Variants in EPHA6 observed in about 807,000 individuals in gnomAD.
EPHA6 encodes ephrin type-A receptor 6.
In EPHA6, 50 loss-of-function variants were observed where a neutral mutation model predicts 112.0. The observed-to-expected ratio is 0.45, with a 90% CI of 0.36 to 0.56. The LOEUF (loss-of-function observed/expected upper bound fraction) is 0.56, where lower values mean the gene tolerates loss of function less well. EPHA6 is among the 20% of genes least tolerant of loss of function. The pLI, the probability that EPHA6 is intolerant of heterozygous loss-of-function variation, is 0.00. For synonymous variants in EPHA6, 529 were observed against 490.7 expected, an observed-to-expected ratio of 1.08 and a Z score of -1.03; for missense variants, 1,280 against 1,417.4, an observed-to-expected ratio of 0.90 and a Z score of 1.56.
intron 3 of EPHA6, among the ~76,000 whole-genome samples, chr3:97,177,928 G>A (rs2076882230): frequency 6.6e-6 from 1 of 151,944 alleles, no homozygotes; most frequent in African/African-American, 2.4e-5. Context: ...TTTGTTTGGA[G>A]AGTTTGGTCC....
chr3:97,446,380 G>A (rs2090347129), intron 6 of EPHA6, among the ~76,000 whole-genome samples: 1 of 152,078 alleles, frequency 6.6e-6, no homozygotes, highest in East Asian at 1.9e-4. Flanking sequence ...ACTTTTGTAG[G>A]TAACAACAAA....
chr3:96,942,759 C>T (rs748510229), intron 2 of EPHA6, among the ~76,000 whole-genome samples: 37 of 152,118 alleles, frequency 2.4e-4, no homozygotes, highest in African/African-American at 4.3e-4. Flanking sequence ...TCTTGGCTCC[C>T]GCTGCTCTTG....
chr3:97,738,392 G>A (rs893854733), intron 16 of EPHA6, among the ~76,000 whole-genome samples: 1 of 152,042 alleles, frequency 6.6e-6, no homozygotes, highest in Non-Finnish European at 1.5e-5. Context: ...TCCACAATCA[G>A]TGCCCATCAA....
At chr3:97,355,527 CA>C (rs1165829886) in intron 5 of EPHA6, among the ~76,000 whole-genome samples, 1 of 151,458 alleles carries the variant, frequency 6.6e-6, no homozygotes, top group Non-Finnish European at 1.5e-5. Flanking sequence ...AAACATACAA[CA>C]GACAAAAAAA....
chr3:97,546,958 C>T (rs2092959605), intron 11 of EPHA6, among the ~76,000 whole-genome samples: 1 of 152,154 alleles, frequency 6.6e-6, no homozygotes, highest in Non-Finnish European at 1.5e-5. Context: ...TTCTAGTTAT[C>T]CATTCGTCTA....
intron 4 of EPHA6, among the ~76,000 whole-genome samples, chr3:97,238,820 A>G (rs984385994): frequency 6.6e-6 from 1 of 151,880 alleles, no homozygotes; most frequent in African/African-American, 2.4e-5. Flanking sequence ...AGTAGGTACA[A>G]AGGCAAAAGG....
chr3:96,944,926 C>T (rs1455984774), intron 2 of EPHA6, among the ~76,000 whole-genome samples: 5 of 152,230 alleles, frequency 3.3e-5, no homozygotes, highest in African/African-American at 7.2e-5. Context: ...GGCGACAGAG[C>T]GAGACTCTGT....
At chr3:97,059,580 ACAAATTAGATCATCATAGATCAG>A (rs2045954458) in intron 3 of EPHA6, among the ~76,000 whole-genome samples, 1 of 151,690 alleles carries the variant, frequency 6.6e-6, no homozygotes, top group African/African-American at 2.4e-5. Flanking sequence ...GAGCTAAAAA[ACAAATTAGATCATCATAGATCAG>A]CTCATATTTT....
chr3:97,292,181 C>T (rs1012483074), intron 5 of EPHA6, among the ~76,000 whole-genome samples: 1 of 152,224 alleles, frequency 6.6e-6, no homozygotes, highest in African/African-American at 2.4e-5. Context: ...AACCTGATGG[C>T]ACCCGAAAGC....
chr3:96,844,694 A>G lies in EPHA6; in HGVS notation c.386-22131A>G, dbSNP rs75812272. Among the ~76,000 whole-genome samples the G allele has an allele frequency of 3.9e-3, 592 of 152,156 alleles. 7 individuals are homozygous for G. The highest frequency in any genetic ancestry group is 0.012 in the African/African-American group (517 of 41,546). On this transcript the variant is annotated intron_variant, in intron 1 of 17. Transcript: ENST00000389672. The stretch of plus-strand genomic sequence containing the variant: ...TAAAGATGAATACTTTCTGTAATCA[A>G]TGGTTGGGTATACATGATGATAATT...
chr3:97,614,504 T>TA (rs1215810554), intron 13 of EPHA6, among the ~76,000 whole-genome samples: 1,445 of 115,758 alleles, frequency 0.012, 16 homozygotes, highest in African/African-American at 0.047. Flanking sequence ...CCAGCTAATT[T>TA]TTTTTTTTTT....
At chr3:97,734,155 A>G (rs746324943) in intron 15 of EPHA6, among the ~76,000 whole-genome samples, 25 of 152,120 alleles carry the variant, frequency 1.6e-4, no homozygotes, top group Non-Finnish European at 3.2e-4. Context: ...ATGGTAGATA[A>G]TAAAGGAAGC....
chr3:97,125,815 A>G (rs569097303), intron 3 of EPHA6, among the ~76,000 whole-genome samples: 3 of 152,054 alleles, frequency 2.0e-5, no homozygotes, highest in African/African-American at 7.2e-5. Context: ...CACACACAAC[A>G]CTCCTCTTTC....
At chr3:97,321,869 A>G (rs750870753) in intron 5 of EPHA6, among the ~76,000 whole-genome samples, 2 of 152,068 alleles carry the variant, frequency 1.3e-5, no homozygotes, top group Non-Finnish European at 2.9e-5. Context: ...TTAATTTTCA[A>G]GGCTCAGTGT....
At chr3:97,623,844 A>G (rs755752279) in intron 13 of EPHA6, among the ~76,000 whole-genome samples, 1 of 151,646 alleles carries the variant, frequency 6.6e-6, no homozygotes, top group Non-Finnish European at 1.5e-5. Context: ...TGGGCTCTCT[A>G]ATCTATTCCA....
chr3:97,104,571 G>A (rs952714104), intron 3 of EPHA6, among the ~76,000 whole-genome samples: 2 of 151,970 alleles, frequency 1.3e-5, no homozygotes, highest in African/African-American at 4.8e-5. Flanking sequence ...GGATTTTTGC[G>A]TCAATGTTTA....
At chr3:96,989,078 G>A (rs924927768) in intron 3 of EPHA6, among the ~76,000 whole-genome samples, 16 of 152,076 alleles carry the variant, frequency 1.1e-4, no homozygotes, top group Non-Finnish European at 2.4e-4. Context: ...AACTTCTTAA[G>A]AGGGTGTTTT....
At chr3:97,210,344 C>T (rs575563347) in intron 3 of EPHA6, among the ~76,000 whole-genome samples, 22 of 152,166 alleles carry the variant, frequency 1.4e-4, no homozygotes, top group African/African-American at 3.4e-4. Context: ...GAAGTGAAGA[C>T]GGAAGAGCCC....
At chr3:96,848,043 G>A (rs2035175234) in intron 1 of EPHA6, among the ~76,000 whole-genome samples, 1 of 152,050 alleles carries the variant, frequency 6.6e-6, no homozygotes, top group Non-Finnish European at 1.5e-5. Flanking sequence ...ACATAGGCTT[G>A]AAATTAAAGT....
Sources: allele counts gnomAD v4.1 joint callset (sites outside exome capture counted in the v4.1 genomes callset), GRCh38; gene constraint gnomAD v4.1.1; transcripts MANE v1.5; gene names NCBI Gene and HGNC (gene_info 2026-07-23, HGNC 2026-07-21).